ROR1: variants seen among roughly 807,000 people sequenced by gnomAD.
The protein encoded by ROR1 is inactive tyrosine-protein kinase transmembrane receptor ROR1.
In ROR1, 19 loss-of-function variants were observed where a neutral mutation model predicts 78.8. The observed-to-expected ratio is 0.24, with a 90% confidence interval of 0.17 to 0.35. The LOEUF (loss-of-function observed/expected upper bound fraction) is 0.35. Among genes scored for constraint, ROR1 ranks in the 10% least tolerant of loss-of-function variants. The pLI, the probability that ROR1 is intolerant of heterozygous loss-of-function variation, is 1.00. For synonymous variants in ROR1, 386 were observed against 433.6 expected, an observed-to-expected ratio of 0.89 and a Z score of 1.36; for missense variants, 917 against 1,177.8, an observed-to-expected ratio of 0.78 and a Z score of 3.24.
chr1:63,942,618 C>A (rs1040951911), intron 1 of ROR1, among the ~76,000 whole-genome samples: 3 of 152,118 alleles, frequency 2.0e-5, no homozygotes, highest in African/African-American at 7.2e-5. Context: ...AAGGCGGTTC[C>A]TTTTAGAAAA....
At chr1:63,965,778 T>C (rs1276692693) in intron 1 of ROR1, among the ~76,000 whole-genome samples, 2 of 152,230 alleles carry the variant, frequency 1.3e-5, no homozygotes, top group Non-Finnish European at 2.9e-5. Flanking sequence ...TTTTGGAGAC[T>C]ATTTAGTTTC....
Position 64,137,378 on chromosome 1 carries a change from TGAA to T in ROR1, c.498_500del (p.Glu166del), listed in dbSNP as rs1351969137. The T allele has an allele frequency of 1.9e-6, 3 of 1,613,964 alleles. No individual in the cohort carries two copies. The highest frequency in any genetic ancestry group is 1.1e-5 in the South Asian group (1 of 91,076). ...CTATGCTTTCTTTCAGAGATGAGTA[TGAA>T]GAAGATGGATTCTGTCAGCCATACA... On this transcript the variant is annotated inframe_deletion, in exon 5 of 9. Transcript: ENST00000371079.
Position 63,932,306 on chromosome 1 carries a change from G to A in ROR1, c.92-76999G>A, listed in dbSNP as rs528762780. On this transcript the variant is annotated intron_variant, in intron 1 of 8. Transcript: ENST00000371079. ...GGCCCCAGCTGAGTGGGAATGGAGAGGAAGTGGGTTGATGGAGTCCCATTG... is the reference window on the plus strand; with the variant it reads ...GGCCCCAGCTGAGTGGGAATGGAGAAGAAGTGGGTTGATGGAGTCCCATTG... 1.8e-4 allele frequency among the ~76,000 whole-genome samples: 28 copies of A among 152,230 alleles called. 1 individual carries two copies. The East Asian group carries it at 4.8e-3, about 26-fold the overall frequency.
At chr1:63,840,457 T>A (rs1429484419) in intron 1 of ROR1, among the ~76,000 whole-genome samples, 1 of 151,972 alleles carries the variant, frequency 6.6e-6, no homozygotes, top group African/African-American at 2.4e-5. Flanking sequence ...TTTTTTTGTA[T>A]TTTTAGTAGA....
At chr1:63,952,155 T>C in intron 1 of ROR1, among the ~76,000 whole-genome samples, 1 of 151,772 alleles carries the variant, frequency 6.6e-6, no homozygotes, top group Non-Finnish European at 1.5e-5. Flanking sequence ...TTGTAAGGGA[T>C]GGGAAAGGAA....
intron 8 of ROR1, among the ~76,000 whole-genome samples, chr1:64,173,037 G>A (rs1433379965): frequency 1.3e-5 from 2 of 152,088 alleles, no homozygotes; most frequent in Non-Finnish European, 2.9e-5. Flanking sequence ...TGTAAAATTT[G>A]AAAATGAGTC....
rs777058182 is a variant in ROR1, at chr1:63,906,841, C to T, written c.92-102464C>T. On this transcript the variant is annotated intron_variant, in intron 1 of 8. Coordinates refer to ENST00000371079, the MANE Select transcript of ROR1 (RefSeq NM_005012.4). ...AATCCAAAGACCCTCTTTTGTTACA[C>T]GTGAAACTTTATTCTTATTTTTTTG... Among the ~76,000 whole-genome samples the T allele has an allele frequency of 3.3e-5, 5 of 152,158 alleles. 1 individual carries two copies. Among genetic ancestry groups the T allele is most frequent in the African/African-American group, 9.7e-5 (4 of 41,408 alleles).
chr1:63,992,492 C>T (rs924803896), intron 1 of ROR1, among the ~76,000 whole-genome samples: 1 of 152,196 alleles, frequency 6.6e-6, no homozygotes, highest in African/African-American at 2.4e-5. Context: ...AGGCGTGAGC[C>T]ACCGTGTCAG....
At chr1:63,775,361 T>A (rs555673451) in intron 1 of ROR1, 1 of 152,254 alleles carries the variant, frequency 6.6e-6, no homozygotes, top group Non-Finnish European at 1.5e-5. Context: ...CGGTACACAA[T>A]GAGAGGGAAG....
intron 1 of ROR1, among the ~76,000 whole-genome samples, chr1:63,828,768 A>G (rs1370721015): frequency 1.3e-5 from 2 of 151,938 alleles, no homozygotes; most frequent in African/African-American, 2.4e-5. Flanking sequence ...ATTAGCTACT[A>G]TTCTCCTCTC....
rs11805594 is a variant in ROR1, at chr1:63,930,478, A to C, written c.92-78827A>C. Among the ~76,000 whole-genome samples, 860 of 152,342 alleles carry C rather than the reference A, an allele frequency of 5.6e-3. 7 individuals are homozygous for C. The highest frequency in any genetic ancestry group is 0.02 in the African/African-American group (830 of 41,582). ...CTTGAGCCCCATGAACCATCCTTGC[A>C]TAAAAAATTCAGGATAAGACAAGCA... On this transcript the variant is annotated intron_variant, in intron 1 of 8. Coordinates refer to ENST00000371079, the MANE Select transcript of ROR1 (RefSeq NM_005012.4).
At chr1:63,987,253 A>G (rs1306671604) in intron 1 of ROR1, among the ~76,000 whole-genome samples, 1 of 152,204 alleles carries the variant, frequency 6.6e-6, no homozygotes, top group African/African-American at 2.4e-5. Flanking sequence ...TGCCTGAATT[A>G]TATTCCATGT....
chr1:63,796,526 C>T (rs1444517615), intron 1 of ROR1, among the ~76,000 whole-genome samples: 1 of 151,982 alleles, frequency 6.6e-6, no homozygotes, highest in African/African-American at 2.4e-5. Flanking sequence ...GTGTTTTTTT[C>T]CAAATGCATA....
At chr1:63,818,808 T>A (rs1267821953) in intron 1 of ROR1, among the ~76,000 whole-genome samples, 2 of 152,286 alleles carry the variant, frequency 1.3e-5, no homozygotes, top group East Asian at 3.9e-4. Context: ...AGTAACCTTA[T>A]CTCATTGATC....
intron 1 of ROR1, among the ~76,000 whole-genome samples, chr1:63,983,417 T>C (rs1249544208): frequency 6.6e-6 from 1 of 152,164 alleles, no homozygotes. Context: ...TGCTGAGAGA[T>C]GGGCAATAGG....
chr1:64,108,687 CA>C (rs1301949832), intron 4 of ROR1, among the ~76,000 whole-genome samples: 2 of 151,992 alleles, frequency 1.3e-5, no homozygotes, highest in South Asian at 2.1e-4. Context: ...CATTCTACAA[CA>C]AAAAGTTAGC....
chr1:64,066,434 C>T (rs1646956902), intron 4 of ROR1, among the ~76,000 whole-genome samples: 1 of 151,866 alleles, frequency 6.6e-6, no homozygotes, highest in Non-Finnish European at 1.5e-5. Context: ...TCTCCTGCCT[C>T]AGCCTCCCAA....
At chr1:63,868,535 T>G (rs1156439839) in intron 1 of ROR1, among the ~76,000 whole-genome samples, 1 of 152,202 alleles carries the variant, frequency 6.6e-6, no homozygotes, top group East Asian at 1.9e-4. Context: ...TGAACTTCAG[T>G]TTCTAAATCT....
chr1:64,075,558 A>C (rs759490266), intron 4 of ROR1, among the ~76,000 whole-genome samples: 1 of 152,192 alleles, frequency 6.6e-6, no homozygotes, highest in African/African-American at 2.4e-5. Flanking sequence ...GCCTCCAGTC[A>C]CTGTCCTATA....
Sources: allele counts gnomAD v4.1 joint callset (sites outside exome capture counted in the v4.1 genomes callset), GRCh38; gene constraint gnomAD v4.1.1; transcripts MANE v1.5; gene names NCBI Gene and HGNC (gene_info 2026-07-23, HGNC 2026-07-21).